The following SYNDIG1L variants were observed in gnomAD, a reference collection of about 807,000 sequenced individuals.
SYNDIG1L encodes synapse differentiation-inducing gene protein 1-like.
A neutral mutation model predicts 20.1 loss-of-function variants in SYNDIG1L; 13 were observed. The observed-to-expected ratio is 0.65, with a 90% CI of 0.42 to 1.03. SYNDIG1L has a LOEUF of 1.03. Ranked by LOEUF, SYNDIG1L falls within the 50% of genes least tolerant of loss-of-function variation. The probability of loss-of-function intolerance (pLI) is 0.00; values close to 1 mark genes in which losing one functional copy is unlikely to be tolerated. For synonymous variants in SYNDIG1L, 128 were observed against 129.3 expected (o/e 0.99, Z 0.07); for missense variants, 294 against 305.1 (o/e 0.96, Z 0.27).
intron 1 of SYNDIG1L, among the ~76,000 whole-genome samples, chr14:74,417,843 C>T (rs896875640): frequency 6.6e-6 from 1 of 151,978 alleles, no homozygotes; most frequent in Non-Finnish European, 1.5e-5. Flanking sequence ...GAAATGGGAG[C>T]GTTAAAAAAA....
rs944937216 is a variant in SYNDIG1L, at chr14:74,425,963, A to T, written c.-109T>A. 2 of 151,744 alleles carry T rather than the reference A, an allele frequency of 1.3e-5. No individual in the cohort carries two copies. Among genetic ancestry groups the T allele is most frequent in the African/African-American group, 4.9e-5 (2 of 41,034 alleles). The allele number at this position is 151,744 out of a possible 1,614,324, so 9.4% of individuals were successfully genotyped here. A position where few individuals can be genotyped will look rare whatever the true frequency, so the allele number is the denominator to read the frequency against. On this transcript the variant is annotated 5_prime_UTR_variant, in exon 1 of 4. The change abolishes an upstream ATG in the 5' untranslated region. Transcript: ENST00000331628. Reference sequence around the variant, plus strand: ...CCTCCGCGGGGCTCGGGGGCTCGGCATGGGCCGGTGAGCGACGGCGCCCCC... The same window carrying T: ...CCTCCGCGGGGCTCGGGGGCTCGGCTTGGGCCGGTGAGCGACGGCGCCCCC...
intron 1 of SYNDIG1L, among the ~76,000 whole-genome samples, chr14:74,424,222 C>G (rs566679497): frequency 6.6e-6 from 1 of 152,328 alleles, no homozygotes; most frequent in South Asian, 2.1e-4. Context: ...GAAATCTTAA[C>G]TCATCTAGCC....
the SYNDIG1L span, among the ~76,000 whole-genome samples, chr14:74,431,653 C>G: frequency 2.0e-5 from 3 of 152,220 alleles, no homozygotes; most frequent in African/African-American, 7.2e-5. Flanking sequence ...TTTTCCCCCA[C>G]TGTCTACCCC....
chr14:74,427,826 C>T (rs563408004), upstream of SYNDIG1L, among the ~76,000 whole-genome samples: 120 of 152,302 alleles, frequency 7.9e-4, no homozygotes, highest in African/African-American at 2.8e-3. Flanking sequence ...GATGTCAGGC[C>T]ACCCTCCTGT....
chr14:74,444,003 T>A, the SYNDIG1L span, among the ~76,000 whole-genome samples: 1 of 152,214 alleles, frequency 6.6e-6, no homozygotes, highest in Non-Finnish European at 1.5e-5. Flanking sequence ...AATTTAGCAA[T>A]TGTTTATTTG....
chr14:74,438,951 A>G, the SYNDIG1L span, among the ~76,000 whole-genome samples: 2 of 152,144 alleles, frequency 1.3e-5, no homozygotes, highest in Admixed American at 1.3e-4. Flanking sequence ...AGTTTCTACT[A>G]AAAATACAAA....
chr14:74,450,098 C>T, the SYNDIG1L span, among the ~76,000 whole-genome samples: 1 of 151,972 alleles, frequency 6.6e-6, no homozygotes, highest in East Asian at 1.9e-4. Flanking sequence ...AATGTTATAC[C>T]AATAAATTTA....
At chr14:74,465,025 G>C in the SYNDIG1L span, among the ~76,000 whole-genome samples, 1 of 152,158 alleles carries the variant, frequency 6.6e-6, no homozygotes, top group Non-Finnish European at 1.5e-5. Flanking sequence ...ATGCTGGGCA[G>C]ACCTGCCTCC....
the SYNDIG1L span, among the ~76,000 whole-genome samples, chr14:74,455,815 A>G: frequency 2.3e-4 from 35 of 152,160 alleles, no homozygotes; most frequent in African/African-American, 8.4e-4. Context: ...TCTTTACCGC[A>G]GTTCTGACCC....
chr14:74,451,050 CT>C, the SYNDIG1L span, among the ~76,000 whole-genome samples: 1 of 152,004 alleles, frequency 6.6e-6, no homozygotes, highest in Non-Finnish European at 1.5e-5. Flanking sequence ...CTCCAGCAGA[CT>C]TTTTTGAAAG....
intron 1 of SYNDIG1L, among the ~76,000 whole-genome samples, chr14:74,421,114 A>C (rs1056258147): frequency 2.0e-5 from 3 of 152,226 alleles, no homozygotes; most frequent in Admixed American, 2.0e-4. Context: ...CTTTGAAAAA[A>C]AATTTTTTGA....
chr14:74,477,038 CAACACACACACACACACACACACACA>C, the SYNDIG1L span, among the ~76,000 whole-genome samples: 1 of 108,824 alleles, frequency 9.2e-6, no homozygotes. Context: ...GCCCCATTCC[CAACACACACACACACACACACACACA>C]CACACACACA....
chr14:74,407,920 C>A lies in SYNDIG1L; in HGVS notation c.487G>T (p.Gly163Ter). 6.2e-7 allele frequency: 1 copy of A among 1,613,842 alleles called. No individual in the cohort carries two copies. Among genetic ancestry groups the A allele is most frequent in the Non-Finnish European group, 8.5e-7 (1 of 1,179,898 alleles). ...FLTLPPRDHL[G>*]LTLFSMLCCF... ...CAGAGCATGGAGAAGAGAGTAAGTC[C>A]CAGGTGGTCCCTGGGAGGCAGCGTG... Residue 163 changes from glycine to a stop codon, truncating the protein, a stop_gained, in exon 3 of 4, where the codon GGA becomes TGA. Transcript: ENST00000331628. LOFTEE classifies it high-confidence loss of function.
the SYNDIG1L span, among the ~76,000 whole-genome samples, chr14:74,440,617 A>G: frequency 4.6e-5 from 7 of 151,260 alleles, no homozygotes; most frequent in East Asian, 1.9e-4. Flanking sequence ...CCTGGGAGGC[A>G]GAGCTTGCAG....
chr14:74,455,899 C>T, the SYNDIG1L span, among the ~76,000 whole-genome samples: 1 of 152,232 alleles, frequency 6.6e-6, no homozygotes, highest in East Asian at 1.9e-4. Context: ...GTTCCTCTTT[C>T]TCTGGAGAGA....
the SYNDIG1L span, among the ~76,000 whole-genome samples, chr14:74,451,645 G>A: frequency 6.6e-6 from 1 of 152,176 alleles, no homozygotes; most frequent in Non-Finnish European, 1.5e-5. Context: ...CCATTGTTTG[G>A]GAGAAAATGT....
the SYNDIG1L span, among the ~76,000 whole-genome samples, chr14:74,432,354 C>A: frequency 6.6e-6 from 1 of 152,182 alleles, no homozygotes; most frequent in African/African-American, 2.4e-5. Context: ...TTCACTGAAG[C>A]CTTCATCCCA....
chr14:74,422,989 G>A (rs534960025), intron 1 of SYNDIG1L, among the ~76,000 whole-genome samples: 17 of 152,108 alleles, frequency 1.1e-4, no homozygotes, highest in Non-Finnish European at 2.1e-4. Context: ...GTGAGCCACT[G>A]CACCTGGCCA....
At chr14:74,433,755 G>A in the SYNDIG1L span, among the ~76,000 whole-genome samples, 2 of 152,262 alleles carry the variant, frequency 1.3e-5, no homozygotes, top group East Asian at 1.9e-4. Context: ...TGTGAAAACT[G>A]GGACATATAA....
Sources: gnomAD v4.1 joint callset for allele counts (sites outside exome capture counted in the v4.1 genomes callset) on GRCh38, gnomAD v4.1.1 for gene constraint, MANE v1.5 for transcripts, NCBI Gene and HGNC (gene_info 2026-07-23, HGNC 2026-07-21) for gene names.